Variants in PHLDB1 observed in about 807,000 individuals in gnomAD.
PHLDB1 encodes the protein pleckstrin homology like domain family B member 1.
Under a neutral mutation model 139.3 loss-of-function variants are expected in PHLDB1, and 65 were observed. The ratio of observed to expected loss-of-function variants is 0.47; its 90% CI spans 0.38 to 0.57. The LOEUF is 0.57. PHLDB1 is among the 20% of genes least tolerant of loss of function. The probability of loss-of-function intolerance (pLI) is 0.00; values close to 1 mark genes in which losing one functional copy is unlikely to be tolerated. For synonymous variants in PHLDB1, 679 were observed against 734.5 expected (o/e 0.92, Z 1.22); for missense variants, 1,624 against 1,839.7 (o/e 0.88, Z 2.14).
At chr11:118,654,600 G>T (rs1368488818) in intron 20 of PHLDB1, 3 of 150,966 alleles carry the variant, frequency 2.0e-5, no homozygotes, top group Non-Finnish European at 4.4e-5. Context: ...ACCTCCTAAT[G>T]TGTCTTAGAG....
upstream of PHLDB1, among the ~76,000 whole-genome samples, chr11:118,607,325 G>C (rs573292156): frequency 0.014 from 1,847 of 129,722 alleles, 40 homozygotes; most frequent in Non-Finnish European, 0.024. Context: ...AGGAGAGGGG[G>C]ATGTGTGGTG....
intron 21 of PHLDB1, 34 bp from the exon 22 acceptor site, chr11:118,655,826 A>G: frequency 1.2e-6 from 2 of 1,603,234 alleles, no homozygotes; most frequent in South Asian, 2.2e-5. Flanking sequence ...CTCTTTGTCA[A>G]CTTTCTCTTC....
chr11:118,623,584 C>T (rs1421363960), intron 4 of PHLDB1, among the ~76,000 whole-genome samples: 2 of 152,204 alleles, frequency 1.3e-5, no homozygotes, highest in Non-Finnish European at 2.9e-5. Flanking sequence ...AGGGAGCATG[C>T]AGAGGGTGCT....
At chr11:118,609,508 T>C (rs67307131) in intron 1 of PHLDB1, among the ~76,000 whole-genome samples, 60,753 of 140,734 alleles carry the variant, frequency 0.43, 13,498 homozygotes, top group African/African-American at 0.63. Flanking sequence ...AGCTCACACA[T>C]GCAGCCCCCT....
chr11:118,642,400 C>A lies in PHLDB1; in HGVS notation c.2877+6C>A, dbSNP rs1555122193. ...AAGCTTCCCGTCAGCTGCAGGTAAC[C>A]CCTCCTTCACTGCCCGTCCTCCCCA... On this transcript the variant is annotated splice_donor_region_variant and intron_variant, in intron 13 of 22. Coordinates refer to ENST00000600882, the MANE Select transcript of PHLDB1 (RefSeq NM_001144758.3). The A allele has an allele frequency of 1.2e-6, 2 of 1,605,986 alleles. No individual in the cohort carries two copies.
chr11:118,620,254 A>G lies in PHLDB1; in HGVS notation c.355+4043A>G, dbSNP rs554056624. Among the ~76,000 whole-genome samples the G allele has an allele frequency of 6.6e-6, 1 of 152,356 alleles. No individual in the cohort carries two copies. The highest frequency in any genetic ancestry group is 2.1e-4 in the South Asian group (1 of 4,826). On this transcript the variant is annotated intron_variant, in intron 4 of 22. Transcript: ENST00000600882. This position sits in a 1 kb window ranked among gnomAD's most constrained non-coding sequence, Gnocchi z 4.1. ...ACGCCTGTAATCCCAACACTTTGGG[A>G]GGCCGAGGCGGGCAGATCACCTGAG...
chr11:118,639,479 G>GT, intron 12 of PHLDB1: 1 of 487,974 alleles, frequency 2.0e-6, no homozygotes, highest in Non-Finnish European at 3.7e-6. Context: ...AGATTTCACT[G>GT]TTTTTGGTGG....
At chr11:118,621,813 G>T (rs1942871297) in intron 4 of PHLDB1, among the ~76,000 whole-genome samples, 2 of 152,228 alleles carry the variant, frequency 1.3e-5, no homozygotes, top group Admixed American at 6.5e-5. Context: ...CCTCAGATGG[G>T]GTTAAAGAGT....
Position 118,631,364 on chromosome 11 carries a change from G to A in PHLDB1, c.1985G>A (p.Gly662Glu), listed in dbSNP as rs781845870. ...TCACGAGGCCTTGCAGGGGCCTCTG[G>A]GCGGAGCAGCGAGGAGCCTGGCGTT... ...RPSRGLAGAS[G>E]RSSEEPGVAT... Residue 662 changes from glycine to glutamate, a missense_variant, in exon 7 of 23, where the codon GGG (glycine) becomes GAG (glutamate). Physicochemically the swap from Gly to Glu is moderately conservative, Grantham distance 98 (BLOSUM62 -2). Coordinates refer to ENST00000600882, the MANE Select transcript of PHLDB1 (RefSeq NM_001144758.3). 2.6e-6 allele frequency: 4 copies of A among 1,531,504 alleles called. No homozygotes were observed. The highest frequency in any genetic ancestry group is 3.5e-6 in the Non-Finnish European group (4 of 1,140,870). The allele number at this position is 1,531,504 out of a possible 1,614,324, so 94.9% of individuals were successfully genotyped here.
At chr11:118,642,624 G>T (rs1422858971) in intron 13 of PHLDB1, among the ~76,000 whole-genome samples, 4 of 152,244 alleles carry the variant, frequency 2.6e-5, no homozygotes. Flanking sequence ...TTGAGTGTCT[G>T]GTGGAAGAGG....
chr11:118,621,009 G>C (rs1565408427), intron 4 of PHLDB1, among the ~76,000 whole-genome samples: 1 of 152,074 alleles, frequency 6.6e-6, no homozygotes, highest in Non-Finnish European at 1.5e-5. Flanking sequence ...GGTGTGACTG[G>C]CCCAAGGTAC....
At chr11:118,618,882 A>G (rs1449117974) in intron 4 of PHLDB1, among the ~76,000 whole-genome samples, 1 of 151,654 alleles carries the variant, frequency 6.6e-6, no homozygotes, top group African/African-American at 2.4e-5. Flanking sequence ...TGGCAGTGAC[A>G]GGCTCTTCCA....
upstream of PHLDB1, chr11:118,607,528 G>A (rs1446074112): frequency 1.5e-5 from 2 of 136,170 alleles, no homozygotes; most frequent in Admixed American, 7.3e-5. Flanking sequence ...AGGCGGACGG[G>A]ACGGGGGACG....
Position 118,642,382 on chromosome 11 carries a change from C to T in PHLDB1, c.2865C>T (p.Ser955=). The T allele has an allele frequency of 1.2e-6, 2 of 1,608,946 alleles. No individual in the cohort carries two copies. The highest frequency in any genetic ancestry group is 1.7e-6 in the Non-Finnish European group (2 of 1,179,930). Residue 955 remains serine (S), a synonymous_variant, in exon 13 of 23, where the codon TCC becomes TCT. Transcript: ENST00000600882. ...SSPPPLPAKA[S]RQLQVYRSKM... ...CCCCGCCTCTGCCCGCCAAAGCTTC[C>T]CGTCAGCTGCAGGTAACCCCTCCTT...
Position 118,645,640 on chromosome 11 carries a change from A to G in PHLDB1, c.3406A>G (p.Asn1136Asp), listed in dbSNP as rs1947352198. The G allele has an allele frequency of 6.2e-7, 1 of 1,613,310 alleles. No individual in the cohort carries two copies. The highest frequency in any genetic ancestry group is 8.5e-7 in the Non-Finnish European group (1 of 1,179,392). The change falls in exon 16 of 23, where the codon AAC (asparagine) becomes GAC (aspartate). Residue 1136 changes from asparagine to aspartate, a missense_variant. Physicochemically the swap from Asn to Asp is conservative, Grantham distance 23 (BLOSUM62 1). Coordinates refer to ENST00000600882, the MANE Select transcript of PHLDB1 (RefSeq NM_001144758.3). The surrounding 1 kb of genome is among the most constrained non-coding windows in gnomAD (Gnocchi z 5.1). ...GGGCAACTCGGCCTGCTCCCCTGAC[A>G]ACATGTCCAGGTACACCCGACGCCT... ...TGGNSACSPD[N>D]MSSASGLDMG...
At position 118,631,394 on chromosome 11, in the gene PHLDB1, C is replaced by T. The variant is rs782213798; in HGVS notation, c.2015C>T (p.Thr672Ile). 1.3e-6 allele frequency: 2 copies of T among 1,503,246 alleles called. No homozygotes were observed. Among genetic ancestry groups the T allele is most frequent in the Admixed American group, 4.6e-5 (2 of 43,026 alleles). 93.1% of individuals were successfully genotyped at this position (1,503,246 alleles called of 1,614,324 possible). ...AGCAGCGAGGAGCCTGGCGTTGCCA[C>T]CCAACGCCTATGGGAGAGTATGGAG... ...GRSSEEPGVA[T>I]QRLWESMERS... Residue 672 changes from threonine to isoleucine, a missense_variant, in exon 7 of 23, where the codon ACC becomes ATC. Thr to Ile is a moderately conservative substitution (Grantham distance 89). Coordinates refer to ENST00000600882, the MANE Select transcript of PHLDB1 (RefSeq NM_001144758.3).
Position 118,632,793 on chromosome 11 carries a change from C to T in PHLDB1, c.2379+497C>T. 1 of 936,544 alleles carries T rather than the reference C, an allele frequency of 1.1e-6. No individual in the cohort carries two copies. The highest frequency in any genetic ancestry group is 1.3e-6 in the Non-Finnish European group (1 of 783,684). 58.0% of individuals were successfully genotyped at this position (936,544 alleles called of 1,614,324 possible). Reference sequence around the variant, plus strand: ...ATCCCAGGTGATCCTAGCTCCTGCCCCTGCCCCTTTCAGATTTCGTGCCAG... The same window carrying T: ...ATCCCAGGTGATCCTAGCTCCTGCCTCTGCCCCTTTCAGATTTCGTGCCAG... On this transcript the variant is annotated intron_variant, in intron 9 of 22. Transcript: ENST00000600882. The surrounding 1 kb of genome is among the most constrained non-coding windows in gnomAD (Gnocchi z 5.9).
rs532156506 is a variant in PHLDB1, at chr11:118,608,584, G to T, written c.-22+885G>T. ...CTGGGGCGGGGCTGCATTCTGGGCC[G>T]TTAGCTCAGCGGTCCTGGAGCCTCC... On this transcript the variant is annotated intron_variant, in intron 1 of 22. Transcript: ENST00000600882. This position sits in a 1 kb window ranked among gnomAD's most constrained non-coding sequence, Gnocchi z 6.7. 5.3e-5 allele frequency among the ~76,000 whole-genome samples: 8 copies of T among 152,252 alleles called. No individual in the cohort carries two copies. Among genetic ancestry groups the T allele is most frequent in the Non-Finnish European group, 7.4e-5 (5 of 67,982 alleles).
chr11:118,628,313 C>G lies in PHLDB1; in HGVS notation c.1490C>G (p.Ala497Gly). Residue 497 changes from alanine to glycine, a missense_variant, in exon 6 of 23, where the codon GCC (alanine) becomes GGC (glycine). Ala to Gly is a moderately conservative substitution (Grantham distance 60). Transcript: ENST00000600882. ...AGTCCTCGGCCCCGGCGCTGGGCAG[C>G]CCATGGGGCTTCACCAGAGGACTTC... is the stretch of plus-strand genomic sequence containing the variant. ...AESPRPRRWA[A>G]HGASPEDFSL... The G allele has an allele frequency of 1.9e-6, 3 of 1,613,628 alleles. No individual in the cohort carries two copies. Among genetic ancestry groups the G allele is most frequent in the Non-Finnish European group, 2.5e-6 (3 of 1,179,822 alleles).
Sources: gnomAD v4.1 joint callset for allele counts (sites outside exome capture counted in the v4.1 genomes callset) on GRCh38, gnomAD v4.1.1 for gene constraint, Gnocchi (gnomAD v3.1) non-coding constraint, MANE v1.5 for transcripts, NCBI Gene and HGNC (gene_info 2026-07-23, HGNC 2026-07-21) for gene names.